PRMT8: variants seen among roughly 807,000 people sequenced by gnomAD.
PRMT8 encodes the protein protein arginine N-methyltransferase 8.
In PRMT8, 7 loss-of-function variants were observed where a neutral mutation model predicts 47.1. The ratio of observed to expected loss-of-function variants is 0.15; its 90% CI spans 0.08 to 0.28. The LOEUF (loss-of-function observed/expected upper bound fraction) is 0.28, where lower values mean the gene tolerates loss of function less well. Ranked by LOEUF, PRMT8 falls within the 10% of genes least tolerant of loss-of-function variation. The pLI, the probability that PRMT8 is intolerant of heterozygous loss-of-function variation, is 1.00. For missense variants in PRMT8, 237 were observed against 505.4 expected (o/e 0.47, Z 5.09); for synonymous variants, 188 against 186.5 (o/e 1.01, Z -0.07).
chr12:3,558,961 C>G (rs199815438), intron 4 of PRMT8, among the ~76,000 whole-genome samples: 1 of 149,990 alleles, frequency 6.7e-6, no homozygotes, highest in South Asian at 2.1e-4. Flanking sequence ...TATCTATCTA[C>G]CTATCTATCT....
At chr12:3,586,081 C>G (rs1458080952) in intron 8 of PRMT8, among the ~76,000 whole-genome samples, 2 of 152,128 alleles carry the variant, frequency 1.3e-5, no homozygotes, top group African/African-American at 4.8e-5. Flanking sequence ...GGCTCTATCC[C>G]TGCAGCTCTC....
chr12:3,484,976 A>G (rs556205853), intron 1 of PRMT8, among the ~76,000 whole-genome samples: 45 of 152,316 alleles, frequency 3.0e-4, no homozygotes, highest in African/African-American at 9.9e-4. Context: ...GCTGCTATCA[A>G]TCCAGGCTCT....
intron 1 of PRMT8, among the ~76,000 whole-genome samples, chr12:3,401,680 C>A (rs563351603): frequency 5.3e-4 from 80 of 152,202 alleles, no homozygotes; most frequent in Middle Eastern, 3.4e-3. Context: ...TATACGCCAA[C>A]AACACGCAAG....
At chr12:3,507,034 TAAC>T (rs1865638145) in intron 1 of PRMT8, among the ~76,000 whole-genome samples, 1 of 152,098 alleles carries the variant, frequency 6.6e-6, no homozygotes, top group African/African-American at 2.4e-5. Flanking sequence ...GAAGGGCTGT[TAAC>T]AAATTCCTCA....
intron 1 of PRMT8, among the ~76,000 whole-genome samples, chr12:3,396,758 C>T (rs1240884033): frequency 6.6e-6 from 1 of 151,816 alleles, no homozygotes; most frequent in Non-Finnish European, 1.5e-5. Context: ...GAATGTTGGC[C>T]TGCCTTGCTA....
At chr12:3,488,070 T>C (rs1227464266), upstream of PRMT8, among the ~76,000 whole-genome samples, 3 of 152,222 alleles carry the variant, frequency 2.0e-5, no homozygotes, top group African/African-American at 7.2e-5. Flanking sequence ...TCAGGTATCT[T>C]AGATTTGAAT....
Position 3,583,671 on chromosome 12 carries a change from T to G in PRMT8, c.979+463T>G, listed in dbSNP as rs1257113746. ...CCCTTACTTTCACACCAACCCATCC[T>G]TCATTAAATCTCTGTTGGTGTTCCC... On this transcript the variant is annotated intron_variant, in intron 8 of 9. Transcript: ENST00000382622. This position sits in a 1 kb window ranked among gnomAD's most constrained non-coding sequence, Gnocchi z 4.7. 6.6e-6 allele frequency among the ~76,000 whole-genome samples: 1 copy of G among 152,186 alleles called. No individual in the cohort carries two copies. Among genetic ancestry groups the G allele is most frequent in the African/African-American group, 2.4e-5 (1 of 41,444 alleles).
At chr12:3,431,243 G>A (rs753878439) in intron 1 of PRMT8, among the ~76,000 whole-genome samples, 37 of 152,302 alleles carry the variant, frequency 2.4e-4, no homozygotes, top group Non-Finnish European at 4.9e-4. Flanking sequence ...GAAAGTTACA[G>A]CAGTGGTTTG....
intron 1 of PRMT8, among the ~76,000 whole-genome samples, chr12:3,519,901 A>C (rs1030894479): frequency 1.3e-5 from 2 of 152,182 alleles, no homozygotes; most frequent in Non-Finnish European, 2.9e-5. Context: ...AAAATTTGGG[A>C]AACATCTAAT....
At chr12:3,531,817 T>A (rs1163950582) in intron 1 of PRMT8, among the ~76,000 whole-genome samples, 1 of 152,250 alleles carries the variant, frequency 6.6e-6, no homozygotes, top group Non-Finnish European at 1.5e-5. Flanking sequence ...GTGCTCTCTG[T>A]GGCCTTGGGT....
chr12:3,468,536 G>A (rs531954837), intron 1 of PRMT8, among the ~76,000 whole-genome samples: 119 of 152,336 alleles, frequency 7.8e-4, no homozygotes, highest in African/African-American at 2.8e-3. Context: ...CCCAGTCGTT[G>A]GCATCAGGCC....
intron 7 of PRMT8, 106 bp from the exon 8 acceptor site, chr12:3,582,952 C>CAG: frequency 7.4e-7 from 1 of 1,349,456 alleles, no homozygotes; most frequent in Non-Finnish European, 1.0e-6. Context: ...AGATATCCCT[C>CAG]AGAGAGCTGA....
chr12:3,446,500 A>G (rs890909656), intron 1 of PRMT8, among the ~76,000 whole-genome samples: 1 of 152,144 alleles, frequency 6.6e-6, no homozygotes, highest in African/African-American at 2.4e-5. Context: ...CGAGGTTGCC[A>G]CCAACCTGCA....
At position 3,492,419 on chromosome 12, in the gene PRMT8, C is replaced by T. The variant is rs373342527; in HGVS notation, c.75+719C>T. Among the ~76,000 whole-genome samples, 1 of 152,198 alleles carries T rather than the reference C, an allele frequency of 6.6e-6. No individual in the cohort carries two copies. Among genetic ancestry groups the T allele is most frequent in the Non-Finnish European group, 1.5e-5 (1 of 68,038 alleles). On this transcript the variant is annotated intron_variant, in intron 1 of 9. Coordinates refer to ENST00000382622, the MANE Select transcript of PRMT8 (RefSeq NM_019854.5). The surrounding 1 kb of genome is among the most constrained non-coding windows in gnomAD (Gnocchi z 7.5). ...TCCGCCCCTGCAGCAGCCGAGCCTG[C>T]GCGGACTGTGGGGGCTGCGCGCCGC...
At chr12:3,428,483 G>A (rs904618176) in intron 1 of PRMT8, among the ~76,000 whole-genome samples, 1 of 152,114 alleles carries the variant, frequency 6.6e-6, no homozygotes. Context: ...ATTTTTGATA[G>A]GAAGGCTACA....
Position 3,540,613 on chromosome 12 carries a change from G to GCC in PRMT8, c.89_90dup (p.Ser31ProfsTer36). On this transcript the variant is annotated frameshift_variant, in exon 2 of 10. Transcript: ENST00000382622. LOFTEE classifies it high-confidence loss of function. The stretch of plus-strand genomic sequence containing the variant: ...CCCTTCTCTTCCCCTCAGGTGAACA[G>GCC]CCCCCCCTCCCAGCCCCCCCAGCCC... 4.4e-6 allele frequency: 5 copies of GCC among 1,130,520 alleles called. No homozygotes were observed. The highest frequency in any genetic ancestry group is 1.3e-5 in the South Asian group (1 of 78,808). The allele number at this position is 1,130,520 out of a possible 1,614,324, so 70.0% of individuals were successfully genotyped here.
chr12:3,390,003 A>T (rs1225168387), intron 1 of PRMT8, among the ~76,000 whole-genome samples: 1 of 152,232 alleles, frequency 6.6e-6, no homozygotes, highest in Non-Finnish European at 1.5e-5. Context: ...TGGCTCAGTT[A>T]AGAGAGCTTG....
chr12:3,442,251 TAAAGTC>T (rs961830660), intron 1 of PRMT8, among the ~76,000 whole-genome samples: 1 of 152,072 alleles, frequency 6.6e-6, no homozygotes, highest in Non-Finnish European at 1.5e-5. Context: ...AAAGGCTTGA[TAAAGTC>T]AAAGAGCTAA....
intron 1 of PRMT8, among the ~76,000 whole-genome samples, chr12:3,384,886 C>A (rs1022774274): frequency 6.7e-6 from 1 of 149,058 alleles, no homozygotes; most frequent in African/African-American, 2.5e-5. Context: ...TGGCCTTCAC[C>A]TATTAAGTGA....
Sources: gnomAD v4.1 joint callset for allele counts (sites outside exome capture counted in the v4.1 genomes callset) on GRCh38, gnomAD v4.1.1 for gene constraint, Gnocchi (gnomAD v3.1) non-coding constraint, MANE v1.5 for transcripts, NCBI Gene and HGNC (gene_info 2026-07-23, HGNC 2026-07-21) for gene names.